The following SCMH1 variants were observed in gnomAD, a reference collection of about 807,000 sequenced individuals.
The protein encoded by SCMH1 is polycomb protein SCMH1.
SCMH1 carries 37 observed loss-of-function variants against 70.8 expected under a neutral mutation model. That is an observed-to-expected ratio of 0.52 (90% CI 0.40 to 0.69). The LOEUF is 0.69. Ranked by LOEUF, SCMH1 falls within the 30% of genes least tolerant of loss-of-function variation. SCMH1 has a pLI of 0.00. For synonymous variants in SCMH1, 292 were observed against 307.4 expected (o/e 0.95, Z 0.52); for missense variants, 607 against 827.3 (o/e 0.73, Z 3.27).
In SCMH1 at chr1:41,140,813, G is replaced by A. The variant is rs1395294169; in HGVS notation, c.412+2065C>T. On this transcript the variant is annotated intron_variant, in intron 6 of 14. Coordinates refer to ENST00000337495, the Ensembl canonical transcript of SCMH1. ...ACATGTTGAAATTGCAAAAATCCAA[G>A]AGAGCTATCAAATAGTATCAAACAG... 5.9e-5 allele frequency among the ~76,000 whole-genome samples: 9 copies of A among 152,272 alleles called. No individual in the cohort carries two copies. The South Asian group carries it at 1.5e-3, about 25-fold the overall frequency.
At chr1:41,187,237 C>T (rs997753642) in intron 1 of SCMH1, among the ~76,000 whole-genome samples, 6 of 151,898 alleles carry the variant, frequency 4.0e-5, no homozygotes, top group Admixed American at 2.6e-4. Flanking sequence ...CTGAGGCTGA[C>T]GGATGCTTGA....
chr1:41,194,300 T>C (rs1652464596), intron 1 of SCMH1, among the ~76,000 whole-genome samples: 1 of 152,244 alleles, frequency 6.6e-6, no homozygotes, highest in African/African-American at 2.4e-5. Context: ...CTATTTCTAC[T>C]ATGTATAAAT....
chr1:41,208,174 G>A (rs1298190297), intron 1 of SCMH1, among the ~76,000 whole-genome samples: 93 of 111,252 alleles, frequency 8.4e-4, no homozygotes, highest in Non-Finnish European at 1.0e-3. Context: ...ACTATCGCAA[G>A]AACAAAAAAC....
chr1:41,149,169 G>A (rs1644848252), intron 5 of SCMH1, among the ~76,000 whole-genome samples: 1 of 151,826 alleles, frequency 6.6e-6, no homozygotes, highest in Admixed American at 6.6e-5. Flanking sequence ...CTCTCCTCTG[G>A]GACTCCAATT....
chr1:41,158,465 G>T (rs902312505), intron 4 of SCMH1, among the ~76,000 whole-genome samples: 1 of 152,100 alleles, frequency 6.6e-6, no homozygotes, highest in African/African-American at 2.4e-5. Context: ...AGGATAAGCA[G>T]GAGTCAAAGA....
intron 8 of SCMH1, among the ~76,000 whole-genome samples, chr1:41,085,441 A>G (rs1403113752): frequency 1.3e-5 from 2 of 152,354 alleles, no homozygotes; most frequent in Non-Finnish European, 2.9e-5. Flanking sequence ...AGGTATTCCC[A>G]CTAAGGTCAG....
intron 8 of SCMH1, among the ~76,000 whole-genome samples, chr1:41,110,862 A>G (rs778723372): frequency 2.0e-5 from 3 of 152,150 alleles, no homozygotes; most frequent in Non-Finnish European, 4.4e-5. Flanking sequence ...TAACATCCAA[A>G]CTGTTTTCTA....
intron 1 of SCMH1, among the ~76,000 whole-genome samples, chr1:41,192,519 C>CACACACACACACAT (rs1231879562): frequency 1.3e-5 from 2 of 151,942 alleles, no homozygotes; most frequent in Non-Finnish European, 2.9e-5. Context: ...CACACACACA[C>CACACACACACACAT]ACACACCACT....
chr1:41,072,798 C>A (rs1656994573), intron 9 of SCMH1, among the ~76,000 whole-genome samples: 1 of 152,032 alleles, frequency 6.6e-6, no homozygotes, highest in African/African-American at 2.4e-5. Flanking sequence ...CCCAGGAGGT[C>A]AAGGCTGCAG....
intron 5 of SCMH1, among the ~76,000 whole-genome samples, chr1:41,149,614 T>A (rs1229043235): frequency 6.6e-6 from 1 of 152,214 alleles, no homozygotes; most frequent in African/African-American, 2.4e-5. Context: ...TTGGGCTTTG[T>A]TCCTCGATGC....
At chr1:41,138,863 T>C (rs989750669) in intron 6 of SCMH1, among the ~76,000 whole-genome samples, 1 of 152,182 alleles carries the variant, frequency 6.6e-6, no homozygotes, top group Admixed American at 6.5e-5. Flanking sequence ...TTGAAGCTTT[T>C]TATAAATTTT....
At chr1:41,187,143 A>G (rs1329558592) in intron 1 of SCMH1, among the ~76,000 whole-genome samples, 1 of 152,116 alleles carries the variant, frequency 6.6e-6, no homozygotes, top group Non-Finnish European at 1.5e-5. Context: ...TTTTGCCTTA[A>G]TGTTTATTTT....
At chr1:41,174,875 C>T (rs932327967) in intron 2 of SCMH1, among the ~76,000 whole-genome samples, 1 of 152,166 alleles carries the variant, frequency 6.6e-6, no homozygotes, top group Admixed American at 6.5e-5. Context: ...GAGTAAACAT[C>T]ACTGAAGAAC....
intron 6 of SCMH1, among the ~76,000 whole-genome samples, chr1:41,139,100 T>G (rs1299526596): frequency 6.6e-6 from 1 of 152,120 alleles, no homozygotes; most frequent in Non-Finnish European, 1.5e-5. Context: ...CAACGTTAAG[T>G]CTCCCTCTTC....
At chr1:41,089,512 C>T (rs1013574128) in intron 8 of SCMH1, among the ~76,000 whole-genome samples, 1 of 152,224 alleles carries the variant, frequency 6.6e-6, no homozygotes, top group East Asian at 1.9e-4. Context: ...CCACCATCAT[C>T]TCTAACCTGG....
At chr1:41,159,963 C>T (rs967515329) in intron 4 of SCMH1, 3 of 516,664 alleles carry the variant, frequency 5.8e-6, no homozygotes, top group African/African-American at 2.0e-5. Flanking sequence ...GGATTATTAT[C>T]CCCATTTTAC....
chr1:41,185,971 G>A (rs1650094462), intron 2 of SCMH1, 150 bp downstream of exon 2: 3 of 728,672 alleles, frequency 4.1e-6, no homozygotes, highest in Non-Finnish European at 6.1e-6. Flanking sequence ...TCCCAATCTG[G>A]AAAATTCATG....
intron 1 of SCMH1, among the ~76,000 whole-genome samples, chr1:41,221,024 T>C (rs376751798): frequency 2.6e-5 from 4 of 152,200 alleles, no homozygotes; most frequent in Non-Finnish European, 4.4e-5. Flanking sequence ...TTTATTGGCA[T>C]AGATTGAAAA....
intron 2 of SCMH1, among the ~76,000 whole-genome samples, chr1:41,163,493 A>G (rs753728987): frequency 6.6e-6 from 1 of 152,234 alleles, no homozygotes; most frequent in Non-Finnish European, 1.5e-5. Flanking sequence ...AGGATCCCAC[A>G]ATATTTGGAG....
Sources: gnomAD v4.1 joint callset for allele counts (sites outside exome capture counted in the v4.1 genomes callset) on GRCh38, gnomAD v4.1.1 for gene constraint, MANE v1.5 for transcripts, NCBI Gene and HGNC (gene_info 2026-07-23, HGNC 2026-07-21) for gene names.